The following PRDM10 variants were observed in gnomAD, a reference collection of about 807,000 sequenced individuals.
PRDM10 encodes PR domain zinc finger protein 10.
A neutral mutation model predicts 133.1 loss-of-function variants in PRDM10; 65 were observed. The observed-to-expected ratio is 0.49, with a 90% CI of 0.40 to 0.60. The LOEUF is 0.60. PRDM10 is among the 20% of genes least tolerant of loss of function. The pLI, the probability that PRDM10 is intolerant of heterozygous loss-of-function variation, is 0.00. For synonymous variants in PRDM10, 582 were observed against 580.4 expected (o/e 1.00, Z -0.04); for missense variants, 1,137 against 1,507.1 (o/e 0.75, Z 4.07).
At chr11:130,000,577 T>C (rs1939297580) in intron 1 of PRDM10, among the ~76,000 whole-genome samples, 1 of 152,184 alleles carries the variant, frequency 6.6e-6, no homozygotes, top group South Asian at 2.1e-4. Flanking sequence ...ATGATTAATA[T>C]GTGGTGGAGC....
At chr11:129,933,414 C>T (rs940281734) in intron 9 of PRDM10, among the ~76,000 whole-genome samples, 1 of 152,170 alleles carries the variant, frequency 6.6e-6, no homozygotes, top group African/African-American at 2.4e-5. Flanking sequence ...AAGCAAATCC[C>T]AGATATCTTT....
rs566969514 is a variant in PRDM10 at position 129,918,237 on chromosome 11, G to A, written c.2214+302C>T. The stretch of plus-strand genomic sequence containing the variant: ...AAGAGGGAACTAAAATAAGGTGAGA[G>A]CAGAGATTGAGATGGGTAAAGAAAA... On this transcript the variant is annotated intron_variant, in intron 14 of 20. Coordinates refer to ENST00000360871, the MANE Select transcript of PRDM10 (RefSeq NM_199437.2). The surrounding 1 kb of genome is among the most constrained non-coding windows in gnomAD (Gnocchi z 5.3). Among the ~76,000 whole-genome samples, 163 of 150,970 alleles carry A rather than the reference G, an allele frequency of 1.1e-3. No individual in the cohort carries two copies. The highest frequency in any genetic ancestry group is 3.7e-3 in the African/African-American group (152 of 41,060).
At chr11:129,973,693 T>C (rs1305398570) in intron 1 of PRDM10, among the ~76,000 whole-genome samples, 1 of 152,162 alleles carries the variant, frequency 6.6e-6, no homozygotes, top group Non-Finnish European at 1.5e-5. Context: ...ATTACCCCTC[T>C]GTGAAATAAG....
At chr11:130,001,858 G>A (rs976939827) in intron 1 of PRDM10, among the ~76,000 whole-genome samples, 2 of 151,964 alleles carry the variant, frequency 1.3e-5, no homozygotes, top group African/African-American at 2.4e-5. Context: ...GACTGGGGCA[G>A]GGCCGCGACC....
At chr11:129,952,631 C>T (rs918365279) in intron 4 of PRDM10, among the ~76,000 whole-genome samples, 25 of 152,110 alleles carry the variant, frequency 1.6e-4, no homozygotes, top group Admixed American at 6.6e-5. Context: ...ATCTTCCCAC[C>T]TCAGCCTCCC....
At chr11:129,931,969 A>T in intron 10 of PRDM10, 133 bp downstream of exon 10, 1 of 1,178,628 alleles carries the variant, frequency 8.5e-7, no homozygotes, top group Non-Finnish European at 1.2e-6. Flanking sequence ...ATCATTCTTT[A>T]ATTAACAGGC....
intron 19 of PRDM10, among the ~76,000 whole-genome samples, chr11:129,906,718 C>T (rs1055676246): frequency 1.3e-4 from 20 of 152,290 alleles, no homozygotes; most frequent in South Asian, 2.1e-4. Context: ...GGACTCATTC[C>T]TGTAATCCCA....
At chr11:129,917,348 G>GC (rs1482833251) in intron 14 of PRDM10, 111 bp from the exon 15 acceptor site, 9 of 776,906 alleles carry the variant, frequency 1.2e-5, no homozygotes, top group African/African-American at 1.8e-5. Context: ...CTGAAGCAAT[G>GC]CCCCCAAATA....
At chr11:129,982,174 G>A (rs1938147008) in intron 1 of PRDM10, among the ~76,000 whole-genome samples, 1 of 152,002 alleles carries the variant, frequency 6.6e-6, no homozygotes, top group Admixed American at 6.5e-5. Flanking sequence ...TGGGAGGACT[G>A]CTTGAGCCTG....
At chr11:129,990,330 A>G (rs912018902) in intron 1 of PRDM10, among the ~76,000 whole-genome samples, 1 of 151,638 alleles carries the variant, frequency 6.6e-6, no homozygotes, top group Admixed American at 6.6e-5. Context: ...TGGGTGACAG[A>G]GCGAGACTCC....
chr11:129,972,002 GA>G, intron 1 of PRDM10, among the ~76,000 whole-genome samples: 2 of 152,352 alleles, frequency 1.3e-5, no homozygotes, highest in African/African-American at 4.8e-5. Context: ...AAGGCCCGGT[GA>G]GAAATCGAGT....
intron 1 of PRDM10, among the ~76,000 whole-genome samples, chr11:129,963,056 G>A (rs888119763): frequency 6.6e-6 from 1 of 151,708 alleles, no homozygotes; most frequent in Non-Finnish European, 1.5e-5. Context: ...GTCTGAGGTG[G>A]AAGGATCGCT....
At chr11:129,973,502 C>A (rs888207778) in intron 1 of PRDM10, among the ~76,000 whole-genome samples, 21 of 152,120 alleles carry the variant, frequency 1.4e-4, no homozygotes, top group African/African-American at 1.2e-4. Context: ...AATGTATACT[C>A]CCTTTAAAAC....
chr11:129,962,516 G>C lies in PRDM10; in HGVS notation c.-118-1434C>G, dbSNP rs981543495. Among the ~76,000 whole-genome samples, 3 of 152,124 alleles carry C rather than the reference G, an allele frequency of 2.0e-5. No homozygotes were observed. The East Asian group carries it at 5.8e-4, about 29-fold the overall frequency. On this transcript the variant is annotated intron_variant, in intron 1 of 20. Transcript: ENST00000360871. ...GCCCTACTCTTCCAATCCCCATTTGGGGGGGACTTGAAAGAATGCCACGTC... is the reference window on the plus strand; with the variant it reads ...GCCCTACTCTTCCAATCCCCATTTGCGGGGGACTTGAAAGAATGCCACGTC...
chr11:129,996,527 G>A (rs147378343), intron 1 of PRDM10, among the ~76,000 whole-genome samples: 8 of 152,280 alleles, frequency 5.3e-5, no homozygotes, highest in South Asian at 4.1e-4. Context: ...GAGGGGAACC[G>A]TTTTGACAGA....
chr11:130,001,517 C>T (rs1015321772), intron 1 of PRDM10, among the ~76,000 whole-genome samples: 3 of 152,138 alleles, frequency 2.0e-5, no homozygotes, highest in African/African-American at 4.8e-5. Flanking sequence ...CTGGGTGGGT[C>T]TCATCACACA....
At chr11:129,951,340 A>C (rs935510637) in intron 4 of PRDM10, among the ~76,000 whole-genome samples, 1 of 152,158 alleles carries the variant, frequency 6.6e-6, no homozygotes, top group African/African-American at 2.4e-5. Flanking sequence ...CAGTCTATTC[A>C]AGGAGGGCAG....
At chr11:129,933,868 T>C (rs1892905) in intron 9 of PRDM10, among the ~76,000 whole-genome samples, 90,122 of 152,000 alleles carry the variant, frequency 0.59, 29,529 homozygotes, top group African/African-American at 0.89. Flanking sequence ...AGCCTCTTCA[T>C]GCCAATCCCA....
chr11:130,001,042 G>A (rs746131948), intron 1 of PRDM10, among the ~76,000 whole-genome samples: 1 of 152,202 alleles, frequency 6.6e-6, no homozygotes, highest in Non-Finnish European at 1.5e-5. Flanking sequence ...GGGAGGTCGA[G>A]TCGGCAGTGA....
Sources: gnomAD v4.1 joint callset for allele counts (sites outside exome capture counted in the v4.1 genomes callset) on GRCh38, gnomAD v4.1.1 for gene constraint, Gnocchi (gnomAD v3.1) non-coding constraint, MANE v1.5 for transcripts, NCBI Gene and HGNC (gene_info 2026-07-23, HGNC 2026-07-21) for gene names.